The following SHH variants were observed in gnomAD, a reference collection of about 807,000 sequenced individuals.
SHH encodes the protein sonic hedgehog protein.
Under a neutral mutation model 16.6 loss-of-function variants are expected in SHH, and 3 were observed. The ratio of observed to expected loss-of-function variants is 0.18; its 90% CI spans 0.08 to 0.47. The LOEUF is 0.47. SHH is among the 20% of genes least tolerant of loss of function. The pLI is 0.98. For synonymous variants in SHH, 351 were observed against 316.2 expected (o/e 1.11, Z -1.17); for missense variants, 499 against 665.0 (o/e 0.75, Z 2.75).
chr7:155,806,041 T>TTTC (rs1483956397), intron 2 of SHH, among the ~76,000 whole-genome samples: 1 of 152,058 alleles, frequency 6.6e-6, no homozygotes, highest in Non-Finnish European at 1.5e-5. Flanking sequence ...CAGTGGGGGC[T>TTTC]CCAGAAGCGG....
intron 2 of SHH, among the ~76,000 whole-genome samples, chr7:155,806,049 C>A (rs2117136384): frequency 6.6e-6 from 1 of 152,316 alleles, no homozygotes; most frequent in South Asian, 2.1e-4. Flanking sequence ...GCTCCAGAAG[C>A]GGGCAGGAAG....
At position 155,803,078 on chromosome 7, in the gene SHH, C is replaced by T. The variant is rs1162576975; in HGVS notation, c.1211G>A (p.Gly404Glu). The T allele has an allele frequency of 2.9e-6, 4 of 1,366,428 alleles. No individual in the cohort carries two copies. Among genetic ancestry groups the T allele is most frequent in the Admixed American group, 3.3e-5 (1 of 30,090 alleles). The allele number at this position is 1,366,428 out of a possible 1,614,324, so 84.6% of individuals were successfully genotyped here. A position where few individuals can be genotyped will look rare whatever the true frequency, so the allele number is the denominator to read the frequency against. The change falls in exon 3 of 3, where the codon GGG becomes GAG. Residue 404 changes from glycine to glutamate, a missense_variant. By Grantham distance (98) the Gly-to-Glu change is moderately conservative (BLOSUM62 -2). Coordinates refer to ENST00000297261, the MANE Select transcript of SHH (RefSeq NM_000193.4). ...TCTGCCGCCGCCGCCCCCGCGGTCC[C>T]CGCCGCCGCTGTCCCCGCCGCGGTC... ...RTDRGGDSGG[G>E]DRGGGGGRVA...
chr7:155,808,644 G>A (rs897825619), intron 1 of SHH, among the ~76,000 whole-genome samples: 1 of 152,216 alleles, frequency 6.6e-6, no homozygotes, highest in African/African-American at 2.4e-5. Context: ...CGCCCGCGCT[G>A]GGCGGGATTG....
Position 155,803,339 on chromosome 7 carries a change from A to G in SHH, c.950T>C (p.Val317Ala). Residue 317 changes from valine (V) to alanine (A), a missense_variant, in exon 3 of 3, where the codon GTG becomes GCG. Physicochemically the swap from Val to Ala is moderately conservative, Grantham distance 64. Transcript: ENST00000297261. ...SRVRPGQRVY[V>A]VAERDGDRRL... is the part of the protein sequence containing the mutation. ...GCGGTCCCCGTCACGCTCGGCCACC[A>G]CGTACACGCGCTGGCCCGGGCGCAC... 1 of 1,474,486 alleles carries G rather than the reference A, an allele frequency of 6.8e-7. No homozygotes were observed. Among genetic ancestry groups the G allele is most frequent in the Non-Finnish European group, 8.9e-7 (1 of 1,121,278 alleles). The allele number at this position is 1,474,486 out of a possible 1,614,324, so 91.3% of individuals were successfully genotyped here.
In SHH at chr7:155,812,002, G is replaced by A; in HGVS notation, c.121C>T (p.Pro41Ser). ...GKRRHPKKLT[P>S]LAYKQFIPNV... ...GGGATAAACTGCTTGTAGGCTAAAG[G>A]GGTCAGCTTTTTGGGGTGCCTCCTC... Residue 41 changes from proline (P) to serine (S), a missense_variant, in exon 1 of 3, where the codon CCT (proline) becomes TCT (serine). Transcript: ENST00000297261. 1.2e-6 allele frequency: 2 copies of A among 1,614,158 alleles called. No homozygotes were observed. Among genetic ancestry groups the A allele is most frequent in the Non-Finnish European group, 1.7e-6 (2 of 1,180,036 alleles).
In SHH at chr7:155,803,593, C is replaced by G; in HGVS notation, c.696G>C (p.Arg232=). Residue 232 remains arginine, a synonymous_variant, in exon 3 of 3, where the codon CGG becomes CGC. Transcript: ENST00000297261. The stretch of plus-strand genomic sequence containing the variant: ...AAGTGAGGAAGTCGCTGTAGAGCAG[C>G]CGGCCCTGGTCGTCCGCCGCCAGCA... ...DRVLAADDQG[R]LLYSDFLTFL... is the part of the protein sequence containing the mutation. 6.3e-7 allele frequency: 1 copy of G among 1,598,412 alleles called. No individual in the cohort carries two copies. Among genetic ancestry groups the G allele is most frequent in the Non-Finnish European group, 8.5e-7 (1 of 1,179,494 alleles).
rs1336386965 is a variant in SHH, at chr7:155,806,339, C to T, written c.519G>A (p.Val173=). 6.2e-6 allele frequency: 10 copies of T among 1,613,420 alleles called. No individual in the cohort carries two copies. Among genetic ancestry groups the T allele is most frequent in the African/African-American group, 1.3e-5 (1 of 75,082 alleles). The part of the protein sequence containing the change: ...RLAVEAGFDW[V]YYESKAHIHC... ...GGATATGTGCCTTGGACTCGTAGTA[C>T]ACCCAGTCGAAGCCGGCCTCCACCG... The change falls in exon 2 of 3, where the codon GTG becomes GTA. Residue 173 remains valine (V), a synonymous_variant. Coordinates refer to ENST00000297261, the MANE Select transcript of SHH (RefSeq NM_000193.4).
chr7:155,803,226 G>T lies in SHH; in HGVS notation c.1063C>A (p.Leu355Ile). Residue 355 changes from leucine to isoleucine, a missense_variant, in exon 3 of 3, where the codon CTC becomes ATC. Physicochemically the swap from Leu to Ile is conservative, Grantham distance 5 (BLOSUM62 2). This residue lies in a region of SHH where 299 missense variants were observed against 301.1 expected (regional missense o/e 0.99). Transcript: ENST00000297261. The part of the protein sequence containing the change: ...YAPLTAQGTI[L>I]INRVLASCYA... ...CACGAGGCCAGCACCCGGTTGATGA[G>T]AATGGTGCCCTGGGCCGTGAGCGGC... 1 of 1,518,994 alleles carries T rather than the reference G, an allele frequency of 6.6e-7. No homozygotes were observed. The highest frequency in any genetic ancestry group is 2.7e-5 in the East Asian group (1 of 36,646). 94.1% of individuals were successfully genotyped at this position (1,518,994 alleles called of 1,614,324 possible). A position where few individuals can be genotyped will look rare whatever the true frequency, so the allele number is the denominator to read the frequency against.
chr7:155,803,837 G>T, intron 2 of SHH, 111 bp from the exon 3 acceptor site: 1 of 935,450 alleles, frequency 1.1e-6, no homozygotes, highest in Non-Finnish European at 1.6e-6. Flanking sequence ...TAGGCCAGGG[G>T]TGCGCAAGGC....
intron 1 of SHH, among the ~76,000 whole-genome samples, chr7:155,808,177 C>T (rs1478989853): frequency 6.6e-6 from 1 of 152,096 alleles, no homozygotes; most frequent in African/African-American, 2.4e-5. Context: ...AAAAAAAAGT[C>T]GGAAGGGCAG....
chr7:155,807,882 T>C lies in SHH; in HGVS notation c.301-1325A>G, dbSNP rs1199811163. ...CTGGAAGGATGCTCTGCTTGGAGTC[T>C]GGTTGTCGCCATGGAGGGACAGCTT... On this transcript the variant is annotated intron_variant, in intron 1 of 2. Transcript: ENST00000297261. The surrounding 1 kb of genome is among the most constrained non-coding windows in gnomAD (Gnocchi z 7.1). Among the ~76,000 whole-genome samples, 1 of 151,982 alleles carries C rather than the reference T, an allele frequency of 6.6e-6. No individual in the cohort carries two copies. Among genetic ancestry groups the C allele is most frequent in the Admixed American group, 6.5e-5 (1 of 15,272 alleles).
At chr7:155,803,788 G>C in intron 2 of SHH, 62 bp from the exon 3 acceptor site, 1 of 1,414,440 alleles carries the variant, frequency 7.1e-7, no homozygotes, top group Admixed American at 1.7e-5. Context: ...AGGGAGGCGC[G>C]TCTCGGGGAG....
rs1803400820 is a variant in SHH at position 155,807,615 on chromosome 7, G to A, written c.301-1058C>T. 1.3e-5 allele frequency among the ~76,000 whole-genome samples: 2 copies of A among 152,226 alleles called. No individual in the cohort carries two copies. The highest frequency in any genetic ancestry group is 2.9e-5 in the Non-Finnish European group (2 of 68,040). Reference sequence around the variant, plus strand: ...GTGGGGGTTCCCCTGGAATTCTGGGGTCACCCTCAGATAAGGATGCGACAG... The same window carrying A: ...GTGGGGGTTCCCCTGGAATTCTGGGATCACCCTCAGATAAGGATGCGACAG... On this transcript the variant is annotated intron_variant, in intron 1 of 2. Coordinates refer to ENST00000297261, the MANE Select transcript of SHH (RefSeq NM_000193.4). The surrounding 1 kb of genome is among the most constrained non-coding windows in gnomAD (Gnocchi z 7.1).
rs958696627 is a variant in SHH, at chr7:155,801,481, T to C, written c.*1419A>G. 2.6e-5 allele frequency: 4 copies of C among 152,262 alleles called. No homozygotes were observed. Among genetic ancestry groups the C allele is most frequent in the African/African-American group, 9.7e-5 (4 of 41,446 alleles). The allele number at this position is 152,262 out of a possible 1,614,324, so 9.4% of individuals were successfully genotyped here. ...CACACACAGGAGTCCTAAGAGAAGGTTGTTGGTGGCCATCCCCAGGCCACC... is the reference window on the plus strand; with the variant it reads ...CACACACAGGAGTCCTAAGAGAAGGCTGTTGGTGGCCATCCCCAGGCCACC... On this transcript the variant is annotated 3_prime_UTR_variant, in exon 3 of 3. Transcript: ENST00000297261.
chr7:155,803,412 G>T lies in SHH; in HGVS notation c.877C>A (p.Pro293Thr). 3 of 1,523,670 alleles carry T rather than the reference G, an allele frequency of 2.0e-6. No homozygotes were observed. The highest frequency in any genetic ancestry group is 1.4e-5 in the African/African-American group (1 of 71,090). The allele number at this position is 1,523,670 out of a possible 1,614,324, so 94.4% of individuals were successfully genotyped here. The change falls in exon 3 of 3, where the codon CCG (proline) becomes ACG (threonine). Residue 293 changes from proline (P) to threonine (T), a missense_variant. Pro to Thr is a conservative substitution (Grantham distance 38). This residue lies in a region of SHH where 299 missense variants were observed against 301.1 expected (regional missense o/e 0.99). Transcript: ENST00000297261. ...GEPEASSGSG[P>T]PSGGALGPRA... Reference sequence around the variant, plus strand: ...GGCCCCAGTGCGCCCCCGGAAGGCGGCCCCGAGCCCGAGGACGCCTCGGGC... The same window carrying T: ...GGCCCCAGTGCGCCCCCGGAAGGCGTCCCCGAGCCCGAGGACGCCTCGGGC...
chr7:155,803,465 G>T lies in SHH; in HGVS notation c.824C>A (p.Ala275Glu), dbSNP rs556192490. The change falls in exon 3 of 3, where the codon GCG becomes GAG. Residue 275 changes from alanine (A) to glutamate (E), a missense_variant. Transcript: ENST00000297261. ...CCCGGTGGCCGAGTCGTTGTGCGGC[G>T]CCACAAAGAGCAGGTGCGCGGCGGT... is the stretch of plus-strand genomic sequence containing the variant. ...LLTAAHLLFV[A>E]PHNDSATGEP... 72 of 1,554,238 alleles carry T rather than the reference G, an allele frequency of 4.6e-5. No individual in the cohort carries two copies. In the South Asian group the frequency reaches 4.7e-4, roughly 10 times the overall value.
At chr7:155,806,633 G>A (rs1803370567) in intron 1 of SHH, 76 bp from the exon 2 acceptor site, 1 of 1,578,330 alleles carries the variant, frequency 6.3e-7, no homozygotes, top group Non-Finnish European at 8.7e-7. Context: ...CCCTCCATCA[G>A]CCTGCCCTGC....
rs1313992941 is a variant in SHH at position 155,807,653 on chromosome 7, T to G, written c.301-1096A>C. ...AAGGATGCGACAGAAAGCAGTTGAA[T>G]CCACTGTGTGTGTTTGTGGGGGCAC... On this transcript the variant is annotated intron_variant, in intron 1 of 2. Transcript: ENST00000297261. This position sits in a 1 kb window ranked among gnomAD's most constrained non-coding sequence, Gnocchi z 7.1. Among the ~76,000 whole-genome samples, 1 of 152,152 alleles carries G rather than the reference T, an allele frequency of 6.6e-6. No homozygotes were observed. Among genetic ancestry groups the G allele is most frequent in the Non-Finnish European group, 1.5e-5 (1 of 68,022 alleles).
intron 1 of SHH, 142 bp downstream of exon 1, chr7:155,811,681 G>A (rs970652774): frequency 2.4e-6 from 2 of 838,756 alleles, no homozygotes; most frequent in East Asian, 2.4e-5. Flanking sequence ...GAGATGGGGG[G>A]CGGGCAGGTG....
Sources: gnomAD v4.1 joint callset for allele counts (sites outside exome capture counted in the v4.1 genomes callset) on GRCh38, gnomAD v4.1.1 for gene constraint, gnomAD v4.1.1 regional missense constraint, Gnocchi (gnomAD v3.1) non-coding constraint, MANE v1.5 for transcripts, NCBI Gene and HGNC (gene_info 2026-07-23, HGNC 2026-07-21) for gene names.